HS6ST1: variants seen among roughly 807,000 people sequenced by gnomAD.
HS6ST1 encodes the protein heparan-sulfate 6-O-sulfotransferase 1.
A neutral mutation model predicts 25.2 loss-of-function variants in HS6ST1; 3 were observed. The observed-to-expected ratio is 0.12, with a 90% CI of 0.05 to 0.31. HS6ST1 has a LOEUF of 0.31. HS6ST1 is among the 10% of genes least tolerant of loss of function. HS6ST1 has a pLI of 1.00. For missense variants in HS6ST1, 310 were observed against 609.6 expected (o/e 0.51, Z 5.18); for synonymous variants, 204 against 275.1 (o/e 0.74, Z 2.56).
At chr2:128,275,769 C>T (rs1693685818) in intron 1 of HS6ST1, among the ~76,000 whole-genome samples, 1 of 152,208 alleles carries the variant, frequency 6.6e-6, no homozygotes, top group Non-Finnish European at 1.5e-5. Context: ...GAACAGTCAT[C>T]TCCAAGTGTC....
At chr2:128,317,688 C>T (rs946097804) in intron 1 of HS6ST1, among the ~76,000 whole-genome samples, 2 of 152,276 alleles carry the variant, frequency 1.3e-5, no homozygotes, top group Non-Finnish European at 2.9e-5. Context: ...CCCGCGTCCC[C>T]AAGTCCGGCG....
At chr2:128,271,741 C>T (rs543135612) in intron 1 of HS6ST1, among the ~76,000 whole-genome samples, 16 of 152,328 alleles carry the variant, frequency 1.1e-4, no homozygotes, top group Non-Finnish European at 1.8e-4. Context: ...CCACCTGCCA[C>T]GATCCTGGCC....
intron 1 of HS6ST1, among the ~76,000 whole-genome samples, chr2:128,305,011 G>A (rs895048908): frequency 1.3e-5 from 2 of 152,238 alleles, no homozygotes; most frequent in Admixed American, 1.3e-4. Context: ...GGAATGCACA[G>A]GGTCAGTGTC....
At chr2:128,311,009 C>T (rs77052843) in intron 1 of HS6ST1, among the ~76,000 whole-genome samples, 4 of 151,826 alleles carry the variant, frequency 2.6e-5, no homozygotes, top group Non-Finnish European at 4.4e-5. Context: ...CTCCACACCC[C>T]GCTCATCCTG....
At chr2:128,276,756 C>G (rs116554014) in intron 1 of HS6ST1, among the ~76,000 whole-genome samples, 13 of 152,170 alleles carry the variant, frequency 8.5e-5, no homozygotes, top group East Asian at 7.8e-4. Flanking sequence ...CCAGAGCCTC[C>G]GTCCCCAGAG....
rs1489124984 is a variant in HS6ST1, at chr2:128,267,677, G to C, written c.*485C>G. 5.6e-6 allele frequency: 1 copy of C among 180,046 alleles called. No homozygotes were observed. The highest frequency in any genetic ancestry group is 2.4e-5 in the African/African-American group (1 of 42,088). 11.2% of individuals were successfully genotyped at this position (180,046 alleles called of 1,614,324 possible). A position where few individuals can be genotyped will look rare whatever the true frequency, so the allele number is the denominator to read the frequency against. ...CTCGGGGCATTGGGGGCAGCCAGAAGAGGAGGGGCTATGGGATGGCCTGGA... is the reference window on the plus strand; with the variant it reads ...CTCGGGGCATTGGGGGCAGCCAGAACAGGAGGGGCTATGGGATGGCCTGGA... On this transcript the variant is annotated 3_prime_UTR_variant, in exon 2 of 2. Transcript: ENST00000259241.
intron 1 of HS6ST1, among the ~76,000 whole-genome samples, chr2:128,291,289 TG>T (rs1693948844): frequency 6.6e-6 from 1 of 152,218 alleles, no homozygotes; most frequent in African/African-American, 2.4e-5. Flanking sequence ...AGTCCCGGCA[TG>T]GGGGAGGGCT....
intron 1 of HS6ST1, among the ~76,000 whole-genome samples, chr2:128,306,009 G>A (rs1694202272): frequency 6.6e-6 from 1 of 152,212 alleles, no homozygotes; most frequent in African/African-American, 2.4e-5. Context: ...GGGAAATCCT[G>A]CAGGCACAGG....
At chr2:128,300,941 C>T (rs1281742515) in intron 1 of HS6ST1, among the ~76,000 whole-genome samples, 2 of 152,198 alleles carry the variant, frequency 1.3e-5, no homozygotes, top group African/African-American at 4.8e-5. Flanking sequence ...ATGGCACATG[C>T]CTAAGAAATG....
intron 1 of HS6ST1, among the ~76,000 whole-genome samples, chr2:128,296,195 T>C (rs1433776924): frequency 1.3e-5 from 2 of 152,218 alleles, no homozygotes; most frequent in Non-Finnish European, 2.9e-5. Flanking sequence ...ACCCAGGCTA[T>C]AGTGTTTGTA....
At chr2:128,279,371 A>G (rs1043442857) in intron 1 of HS6ST1, among the ~76,000 whole-genome samples, 1 of 133,792 alleles carries the variant, frequency 7.5e-6, no homozygotes, top group Non-Finnish European at 1.5e-5. Flanking sequence ...CTGTTGCATT[A>G]CTTCTGACTC....
At chr2:128,296,358 C>T (rs1220686770) in intron 1 of HS6ST1, among the ~76,000 whole-genome samples, 15 of 152,166 alleles carry the variant, frequency 9.9e-5, no homozygotes, top group African/African-American at 2.7e-4. Context: ...AAGTTCTAGC[C>T]TGAGCAATCA....
intron 1 of HS6ST1, among the ~76,000 whole-genome samples, chr2:128,295,889 T>C (rs1361547699): frequency 6.6e-6 from 1 of 152,250 alleles, no homozygotes; most frequent in Non-Finnish European, 1.5e-5. Flanking sequence ...GCCATTGCTA[T>C]GGACTGAATG....
chr2:128,288,999 T>C (rs1387714160), intron 1 of HS6ST1, among the ~76,000 whole-genome samples: 1 of 152,164 alleles, frequency 6.6e-6, no homozygotes, highest in African/African-American at 2.4e-5. Flanking sequence ...GGCTGACACC[T>C]GCTCCCTCAA....
Position 128,267,855 on chromosome 2 carries a change from T to C in HS6ST1, c.*307A>G. Reference sequence around the variant, plus strand: ...CGTCTCTTGCGCAAACCTTCAGTTTTTGCGATAAATCCAAGGAGGCCAGGA... The same window carrying C: ...CGTCTCTTGCGCAAACCTTCAGTTTCTGCGATAAATCCAAGGAGGCCAGGA... On this transcript the variant is annotated 3_prime_UTR_variant, in exon 2 of 2. Coordinates refer to ENST00000259241, the MANE Select transcript of HS6ST1 (RefSeq NM_004807.3). 1 of 521,256 alleles carries C rather than the reference T, an allele frequency of 1.9e-6. No individual in the cohort carries two copies. Among genetic ancestry groups the C allele is most frequent in the East Asian group, 3.2e-5 (1 of 31,262 alleles). The allele number at this position is 521,256 out of a possible 1,614,324, so 32.3% of individuals were successfully genotyped here.
chr2:128,311,438 C>G (rs1460755245), intron 1 of HS6ST1, among the ~76,000 whole-genome samples: 1 of 152,104 alleles, frequency 6.6e-6, no homozygotes, highest in Non-Finnish European at 1.5e-5. Flanking sequence ...CTGACTGGGC[C>G]CCACATGCTA....
intron 1 of HS6ST1, among the ~76,000 whole-genome samples, chr2:128,288,980 G>C (rs1453351179): frequency 6.6e-6 from 1 of 152,188 alleles, no homozygotes; most frequent in African/African-American, 2.4e-5. Context: ...CCTCTCTGCA[G>C]CGAAGAGGGG....
At chr2:128,282,614 C>G (rs1007078049) in intron 1 of HS6ST1, among the ~76,000 whole-genome samples, 1 of 152,224 alleles carries the variant, frequency 6.6e-6, no homozygotes, top group Non-Finnish European at 1.5e-5. Flanking sequence ...GGGGGCAGGC[C>G]TGTGTGTCCC....
At chr2:128,308,984 C>T (rs1694249996) in intron 1 of HS6ST1, among the ~76,000 whole-genome samples, 1 of 152,196 alleles carries the variant, frequency 6.6e-6, no homozygotes, top group South Asian at 2.1e-4. Context: ...AACTGTCTAC[C>T]TCCTGCACAG....
Sources: allele counts gnomAD v4.1 joint callset (sites outside exome capture counted in the v4.1 genomes callset), GRCh38; gene constraint gnomAD v4.1.1; transcripts MANE v1.5; gene names NCBI Gene and HGNC (gene_info 2026-07-23, HGNC 2026-07-21).